ERC2: variants seen among roughly 807,000 people sequenced by gnomAD.
ERC2 encodes the protein ELKS/RAB6-interacting/CAST family member 2, also known as ERC protein 2.
Under a neutral mutation model 114.8 loss-of-function variants are expected in ERC2, and 42 were observed. The observed-to-expected ratio is 0.37, with a 90% CI of 0.29 to 0.47. The LOEUF is 0.47. Among genes scored for constraint, ERC2 ranks in the 20% least tolerant of loss-of-function variants. The pLI is 0.99. For synonymous variants in ERC2, 454 were observed against 425.5 expected, an observed-to-expected ratio of 1.07 and a Z score of -0.82; for missense variants, 939 against 1,150.7, an observed-to-expected ratio of 0.82 and a Z score of 2.66.
At chr3:55,973,972 T>A (rs557557657) in intron 12 of ERC2, among the ~76,000 whole-genome samples, 1 of 152,028 alleles carries the variant, frequency 6.6e-6, no homozygotes, top group Non-Finnish European at 1.5e-5. Context: ...TATATAAAAG[T>A]AAGATGTCTA....
chr3:56,463,322 G>A (rs1433024866), intron 1 of ERC2, among the ~76,000 whole-genome samples: 4 of 152,208 alleles, frequency 2.6e-5, no homozygotes, highest in Non-Finnish European at 5.9e-5. Context: ...GATCTCAGCA[G>A]CAAGAAGTTA....
intron 2 of ERC2, among the ~76,000 whole-genome samples, chr3:56,428,423 AG>A (rs1373927526): frequency 6.6e-6 from 1 of 151,912 alleles, no homozygotes; most frequent in Non-Finnish European, 1.5e-5. Context: ...CGGGAGGCTG[AG>A]GCAGGAGGAT....
At chr3:56,165,536 T>C (rs975125684) in intron 4 of ERC2, among the ~76,000 whole-genome samples, 4 of 149,862 alleles carry the variant, frequency 2.7e-5, no homozygotes, top group African/African-American at 9.8e-5. Context: ...TGTATGAATA[T>C]TCCACTACTG....
At chr3:55,569,466 G>C (rs1294464637) in intron 17 of ERC2, among the ~76,000 whole-genome samples, 1 of 152,144 alleles carries the variant, frequency 6.6e-6, no homozygotes, top group Non-Finnish European at 1.5e-5. Flanking sequence ...AAAATTTAAC[G>C]AGGGCAAGAT....
chr3:56,207,892 A>T (rs917283285), intron 3 of ERC2, among the ~76,000 whole-genome samples: 2 of 152,208 alleles, frequency 1.3e-5, no homozygotes, highest in African/African-American at 4.8e-5. Flanking sequence ...TCAGGAGTCT[A>T]GAAAACTTCT....
At chr3:55,641,800 G>A (rs983964054) in intron 17 of ERC2, among the ~76,000 whole-genome samples, 3 of 152,082 alleles carry the variant, frequency 2.0e-5, no homozygotes, top group Admixed American at 6.5e-5. Context: ...AGGTGCCTTA[G>A]TGCCTTTGTA....
chr3:56,192,915 C>G (rs1197037345), intron 3 of ERC2, among the ~76,000 whole-genome samples: 2 of 152,154 alleles, frequency 1.3e-5, no homozygotes, highest in Admixed American at 1.3e-4. Context: ...AGGTCTCCCA[C>G]TAAGTAGTAC....
At chr3:55,791,650 G>C (rs2070035609) in intron 14 of ERC2, among the ~76,000 whole-genome samples, 1 of 152,036 alleles carries the variant, frequency 6.6e-6, no homozygotes, top group Non-Finnish European at 1.5e-5. Context: ...TAACCCATCA[G>C]GCACAATTTT....
At chr3:55,552,615 C>G (rs996006393) in intron 17 of ERC2, among the ~76,000 whole-genome samples, 3 of 150,936 alleles carry the variant, frequency 2.0e-5, no homozygotes, top group African/African-American at 7.3e-5. Flanking sequence ...GTAACTAACC[C>G]CAACCAGAGA....
chr3:56,072,768 C>T (rs1239714045), intron 7 of ERC2, among the ~76,000 whole-genome samples: 2 of 152,132 alleles, frequency 1.3e-5, no homozygotes, highest in Non-Finnish European at 2.9e-5. Context: ...CAAATGACTG[C>T]AATGCTGGTA....
intron 3 of ERC2, among the ~76,000 whole-genome samples, chr3:56,179,078 CA>C (rs2083143269): frequency 1.4e-5 from 2 of 146,582 alleles, no homozygotes; most frequent in East Asian, 2.0e-4. Flanking sequence ...AAAAAAGTCA[CA>C]AAAAAACTCA....
chr3:55,725,811 ATACTT>A (rs769447100), intron 15 of ERC2, among the ~76,000 whole-genome samples: 9 of 152,204 alleles, frequency 5.9e-5, no homozygotes, highest in Non-Finnish European at 1.0e-4. Context: ...ATCAGAGAAA[ATACTT>A]TGCCTCCATA....
intron 13 of ERC2, among the ~76,000 whole-genome samples, chr3:55,929,185 G>A (rs900948875): frequency 6.6e-6 from 1 of 152,152 alleles, no homozygotes; most frequent in African/African-American, 2.4e-5. Context: ...CACAGGGACT[G>A]GGAAAATAGC....
rs114240277 is a variant in ERC2 at position 55,619,391 on chromosome 3, C to G, written c.*39+64403G>C. On this transcript the variant is annotated intron_variant, in intron 17 of 17. Coordinates refer to ENST00000288221, the MANE Select transcript of ERC2 (RefSeq NM_015576.3). Reference sequence around the variant, plus strand: ...AATCCAAAGTGATGTGTCCTTCACACCAGGCTTTGTGTGCATCAGGGTTTA... The same window carrying G: ...AATCCAAAGTGATGTGTCCTTCACAGCAGGCTTTGTGTGCATCAGGGTTTA... 6.2e-3 allele frequency among the ~76,000 whole-genome samples: 949 copies of G among 152,268 alleles called. 3 individuals carry two copies. The highest frequency in any genetic ancestry group is 0.022 in the African/African-American group (916 of 41,544).
rs754940396 is a variant in ERC2 at position 55,699,429 on chromosome 3, A to ATGG, written c.2793_2795dup (p.His932dup). ...AATGTTGCGACCTCCCAGGAGATCG[A>ATGG]TGGTGGTGGTGATGGTGGTGGTGGT... On this transcript the variant is annotated inframe_insertion, in exon 16 of 18. Transcript: ENST00000288221. The ATGG allele has an allele frequency of 6.2e-7, 1 of 1,613,756 alleles. No individual in the cohort carries two copies. Among genetic ancestry groups the ATGG allele is most frequent in the East Asian group, 2.2e-5 (1 of 44,856 alleles).
rs1460522407 is a variant in ERC2 at position 56,134,911 on chromosome 3, TTTTTTTTTG to T, written c.1473+4589_1473+4597del. Among the ~76,000 whole-genome samples, 851 of 99,256 alleles carry T rather than the reference TTTTTTTTTG, an allele frequency of 8.6e-3. 11 individuals are homozygous for T. Among genetic ancestry groups the T allele is most frequent in the African/African-American group, 0.028 (808 of 28,354 alleles). The allele number at this position is 99,256 out of a possible 152,430, so 65.1% of individuals were successfully genotyped here. ...CAGAAATCAGAAATAAATCTCTCTC[TTTTTTTTTG>T]TTTTTTTTTGTTTTTGTTTTTGTTT... On this transcript the variant is annotated intron_variant, in intron 6 of 17. Coordinates refer to ENST00000288221, the MANE Select transcript of ERC2 (RefSeq NM_015576.3).
chr3:56,425,275 G>C (rs1009947527), intron 2 of ERC2, among the ~76,000 whole-genome samples: 1 of 152,162 alleles, frequency 6.6e-6, no homozygotes, highest in Admixed American at 6.5e-5. Context: ...AGCAGGAACA[G>C]AGTCCCTCCA....
chr3:56,074,094 T>C (rs186800588), intron 7 of ERC2, among the ~76,000 whole-genome samples: 40 of 152,310 alleles, frequency 2.6e-4, no homozygotes, highest in Non-Finnish European at 5.3e-4. Context: ...TCAGGTATGT[T>C]GCTCAAATTG....
At chr3:56,125,311 C>T (rs1381743524) in intron 6 of ERC2, among the ~76,000 whole-genome samples, 1 of 152,124 alleles carries the variant, frequency 6.6e-6, no homozygotes, top group Non-Finnish European at 1.5e-5. Context: ...AGACTCCAAG[C>T]AGGCAAAATA....
Sources: gnomAD v4.1 joint callset for allele counts (sites outside exome capture counted in the v4.1 genomes callset) on GRCh38, gnomAD v4.1.1 for gene constraint, MANE v1.5 for transcripts, NCBI Gene and HGNC (gene_info 2026-07-23, HGNC 2026-07-21) for gene names.